PRXL2A: variants seen among roughly 807,000 people sequenced by gnomAD.
PRXL2A encodes peroxiredoxin-like 2A.
In PRXL2A, 26 loss-of-function variants were observed where a neutral mutation model predicts 25.6. The ratio of observed to expected loss-of-function variants is 1.02; its 90% CI spans 0.74 to 1.41. The LOEUF is 1.41. Ranked by LOEUF, PRXL2A falls within the 40% of genes most tolerant of loss-of-function variation. PRXL2A has a pLI of 0.00. For missense variants in PRXL2A, 246 were observed against 273.9 expected (o/e 0.90, Z 0.72); for synonymous variants, 98 against 102.9 (o/e 0.95, Z 0.29).
chr10:80,420,743 GATAAT>G, intron 2 of PRXL2A, 98 bp downstream of exon 2: 1 of 946,562 alleles, frequency 1.1e-6, no homozygotes, highest in East Asian at 3.0e-5. Flanking sequence ...TAATTGAAAA[GATAAT>G]ATAACAACAT....
intron 1 of PRXL2A, among the ~76,000 whole-genome samples, chr10:80,410,255 A>C (rs1388751683): frequency 6.6e-6 from 1 of 152,274 alleles, no homozygotes; most frequent in Admixed American, 6.5e-5. Context: ...TTCTGTGCAG[A>C]GAGCCAGCCT....
At chr10:80,409,147 T>C in intron 1 of PRXL2A, 1 of 892,530 alleles carries the variant, frequency 1.1e-6, no homozygotes, top group Non-Finnish European at 1.3e-6. Flanking sequence ...GTTTCTAGCG[T>C]TGTTCAGCGT....
Position 80,434,544 on chromosome 10 carries a change from A to G in PRXL2A, c.*2445A>G, listed in dbSNP as rs1845350839. ...TAATGACAGATTTTACTCAATAACTACTGCAGAAGGAGAGAGTCCTCAGTA... is the reference window on the plus strand; with the variant it reads ...TAATGACAGATTTTACTCAATAACTGCTGCAGAAGGAGAGAGTCCTCAGTA... On this transcript the variant is annotated 3_prime_UTR_variant, in exon 6 of 6. Coordinates refer to ENST00000606162, the MANE Select transcript of PRXL2A (RefSeq NM_032333.5). The G allele has an allele frequency of 6.6e-6, 1 of 152,220 alleles. No homozygotes were observed. Among genetic ancestry groups the G allele is most frequent in the Non-Finnish European group, 1.5e-5 (1 of 68,062 alleles). The allele number at this position is 152,220 out of a possible 1,614,324, so 9.4% of individuals were successfully genotyped here. A position where few individuals can be genotyped will look rare whatever the true frequency, so the allele number is the denominator to read the frequency against.
intron 1 of PRXL2A, 68 bp from the exon 2 acceptor site, chr10:80,420,398 C>A: frequency 6.6e-7 from 1 of 1,505,864 alleles, no homozygotes; most frequent in Non-Finnish European, 8.9e-7. Flanking sequence ...CAGAGCCTTG[C>A]CTGGAAGATG....
intron 4 of PRXL2A, 76 bp downstream of exon 4, chr10:80,426,082 G>A (rs935192039): frequency 2.5e-6 from 4 of 1,578,128 alleles, no homozygotes; most frequent in Admixed American, 1.7e-5. Flanking sequence ...GGTGGCCCAG[G>A]TATGTCTGGC....
chr10:80,429,150 T>TAC (rs57249955), intron 5 of PRXL2A, among the ~76,000 whole-genome samples: 63,880 of 151,880 alleles, frequency 0.42, 17,214 homozygotes, highest in African/African-American at 0.77. Context: ...GATTACAAGC[T>TAC]CACGCCTGGC....
chr10:80,436,524 A>T lies in PRXL2A; in HGVS notation c.*4425A>T, dbSNP rs10887872. 6.6e-6 allele frequency: 1 copy of T among 151,738 alleles called. No individual in the cohort carries two copies. Among genetic ancestry groups the T allele is most frequent in the Non-Finnish European group, 1.5e-5 (1 of 67,916 alleles). The allele number at this position is 151,738 out of a possible 1,614,324, so 9.4% of individuals were successfully genotyped here. A position where few individuals can be genotyped will look rare whatever the true frequency, so the allele number is the denominator to read the frequency against. Reference sequence around the variant, plus strand: ...TGTGGAAGACCAGCACACTCACGTCAGGAGACCTTACCTGGAGCCAGGATG... The same window carrying T: ...TGTGGAAGACCAGCACACTCACGTCTGGAGACCTTACCTGGAGCCAGGATG... On this transcript the variant is annotated 3_prime_UTR_variant, in exon 6 of 6. Transcript: ENST00000606162.
chr10:80,415,279 G>C (rs567300857), intron 1 of PRXL2A, among the ~76,000 whole-genome samples: 6 of 152,328 alleles, frequency 3.9e-5, no homozygotes, highest in South Asian at 2.1e-4. Context: ...CACACTTTCA[G>C]GATCACAGTG....
At chr10:80,431,409 G>A (rs1845254794) in intron 5 of PRXL2A, among the ~76,000 whole-genome samples, 1 of 151,750 alleles carries the variant, frequency 6.6e-6, no homozygotes, top group Non-Finnish European at 1.5e-5. Context: ...CCTTGATGCT[G>A]ATCTCAAACA....
rs1033464552 is a variant in PRXL2A at position 80,433,558 on chromosome 10, G to C, written c.*1459G>C. The C allele has an allele frequency of 4.6e-5, 7 of 152,330 alleles. No individual in the cohort carries two copies. Among genetic ancestry groups the C allele is most frequent in the Admixed American group, 3.3e-4 (5 of 15,276 alleles). 9.4% of individuals were successfully genotyped at this position (152,330 alleles called of 1,614,324 possible). ...AGCTGGGAAAGTAGGAGAGCATCGG[G>C]ATTGAGTATGCAGAGTGAGTTAGGG... On this transcript the variant is annotated 3_prime_UTR_variant, in exon 6 of 6. Transcript: ENST00000606162.
chr10:80,430,089 C>CTTTTTT (rs753076825), intron 5 of PRXL2A, among the ~76,000 whole-genome samples: 1 of 66,514 alleles, frequency 1.5e-5, no homozygotes. Context: ...TGGGGATTTC[C>CTTTTTT]TTTTTTTTTT....
intron 3 of PRXL2A, among the ~76,000 whole-genome samples, chr10:80,424,123 C>T (rs1844953328): frequency 6.6e-6 from 1 of 152,122 alleles, no homozygotes; most frequent in South Asian, 2.1e-4. Flanking sequence ...CCACATAGAA[C>T]ATTTAGTGGA....
At chr10:80,426,435 A>T (rs908165704) in intron 4 of PRXL2A, among the ~76,000 whole-genome samples, 1 of 152,226 alleles carries the variant, frequency 6.6e-6, no homozygotes, top group East Asian at 1.9e-4. Flanking sequence ...AGCATGTTTA[A>T]GGTAGTGTAG....
chr10:80,422,662 T>C (rs1191448301), intron 3 of PRXL2A, among the ~76,000 whole-genome samples, 154 bp downstream of exon 3: 1 of 140,376 alleles, frequency 7.1e-6, no homozygotes, highest in African/African-American at 2.8e-5. Flanking sequence ...TGATTTGTGC[T>C]CTTTTTTTTT....
In PRXL2A at chr10:80,437,088, T is replaced by C. The variant is rs1845422124; in HGVS notation, c.*4989T>C. On this transcript the variant is annotated 3_prime_UTR_variant, in exon 6 of 6. Transcript: ENST00000606162. ...GGGCTCACATACAATTATGATCAAA[T>C]AAATTTGTTTGCTTTTTCTCCTGTT... 1 of 152,252 alleles carries C rather than the reference T, an allele frequency of 6.6e-6. No individual in the cohort carries two copies. Among genetic ancestry groups the C allele is most frequent in the Non-Finnish European group, 1.5e-5 (1 of 68,042 alleles). 9.4% of individuals were successfully genotyped at this position (152,252 alleles called of 1,614,324 possible).
At chr10:80,421,938 C>T (rs1293988062) in intron 2 of PRXL2A, among the ~76,000 whole-genome samples, 1 of 152,234 alleles carries the variant, frequency 6.6e-6, no homozygotes, top group Non-Finnish European at 1.5e-5. Flanking sequence ...GCTTGTTGAA[C>T]TACAGTACTG....
rs1189703283 is a variant in PRXL2A at position 80,427,441 on chromosome 10, T to G, written c.521T>G (p.Leu174Arg). 1 of 1,614,056 alleles carries G rather than the reference T, an allele frequency of 6.2e-7. No homozygotes were observed. Among genetic ancestry groups the G allele is most frequent in the Non-Finnish European group, 8.5e-7 (1 of 1,180,020 alleles). Residue 174 changes from leucine to arginine, a missense_variant, in exon 5 of 6, where the codon CTG becomes CGG. By Grantham distance (102) the Leu-to-Arg change is moderately radical. Coordinates refer to ENST00000606162, the MANE Select transcript of PRXL2A (RefSeq NM_032333.5). ...RAWNGGFSGN[L>R]EGEGFILGGV... is the part of the protein sequence containing the mutation. ...TGGAACGGAGGCTTCTCTGGAAACC[T>G]GGAAGGAGAAGGCTTCATCCTTGGG...
rs1389769953 is a variant in PRXL2A, at chr10:80,434,677, A to G, written c.*2578A>G. On this transcript the variant is annotated 3_prime_UTR_variant, in exon 6 of 6. Transcript: ENST00000606162. ...AGTGCAAAATTACAAAAAGCTGGTA[A>G]GGAGATTGGTCAATGTGATTCGGCT... 2 of 152,192 alleles carry G rather than the reference A, an allele frequency of 1.3e-5. No individual in the cohort carries two copies. The highest frequency in any genetic ancestry group is 4.8e-5 in the African/African-American group (2 of 41,450). 9.4% of individuals were successfully genotyped at this position (152,192 alleles called of 1,614,324 possible).
chr10:80,425,727 G>A, intron 3 of PRXL2A, 139 bp from the exon 4 acceptor site: 1 of 1,014,862 alleles, frequency 9.9e-7, no homozygotes, highest in Non-Finnish European at 1.5e-6. Context: ...CTGTGGTTAG[G>A]ACAGCCATAA....
Sources: allele counts gnomAD v4.1 joint callset (sites outside exome capture counted in the v4.1 genomes callset), GRCh38; gene constraint gnomAD v4.1.1; transcripts MANE v1.5; gene names NCBI Gene and HGNC (gene_info 2026-07-23, HGNC 2026-07-21).